Variants in KCNA2 observed in about 807,000 individuals in gnomAD.
KCNA2 encodes the protein potassium voltage-gated channel subfamily A member 2.
A neutral mutation model predicts 33.4 loss-of-function variants in KCNA2; 11 were observed. The ratio of observed to expected loss-of-function variants is 0.33; its 90% CI spans 0.21 to 0.55. KCNA2 has a LOEUF of 0.55. KCNA2 is among the 20% of genes least tolerant of loss of function. The pLI, the probability that KCNA2 is intolerant of heterozygous loss-of-function variation, is 0.93. For missense variants in KCNA2, 291 were observed against 621.6 expected (o/e 0.47, Z 5.66); for synonymous variants, 222 against 231.3 (o/e 0.96, Z 0.37).
Position 110,600,322 on chromosome 1 carries a change from G to A in KCNA2, c.*2961C>T, listed in dbSNP as rs1408292474. 3.0e-6 allele frequency: 3 copies of A among 983,956 alleles called. No homozygotes were observed. Among genetic ancestry groups the A allele is most frequent in the Non-Finnish European group, 3.6e-6 (3 of 829,676 alleles). 61.0% of individuals were successfully genotyped at this position (983,956 alleles called of 1,614,324 possible). The stretch of plus-strand genomic sequence containing the variant: ...TTTTATGTGTAGAAACAATGGTAAA[G>A]TAGCCTTTGTGTATCTTATATGCAT... On this transcript the variant is annotated 3_prime_UTR_variant, in exon 3 of 3. Coordinates refer to ENST00000316361, the MANE Select transcript of KCNA2 (RefSeq NM_004974.4).
chr1:110,616,418 C>T (rs1015917310), intron 1 of KCNA2, among the ~76,000 whole-genome samples: 3 of 152,168 alleles, frequency 2.0e-5, no homozygotes, highest in Non-Finnish European at 4.4e-5. Context: ...TAGGGGGCTG[C>T]GCATCACTTC....
At chr1:110,626,001 T>G (rs554836341) in intron 1 of KCNA2, among the ~76,000 whole-genome samples, 1 of 152,218 alleles carries the variant, frequency 6.6e-6, no homozygotes, top group Non-Finnish European at 1.5e-5. Context: ...ATATTGTTGG[T>G]GGGAGTGTTA....
At chr1:110,628,467 C>T (rs971268711) in intron 1 of KCNA2, among the ~76,000 whole-genome samples, 2 of 152,268 alleles carry the variant, frequency 1.3e-5, no homozygotes, top group Admixed American at 1.3e-4. Flanking sequence ...CACTTGGTGA[C>T]AGTACTCACA....
chr1:110,594,706 G>A lies in KCNA2; in HGVS notation c.*8577C>T. ...CTGGGTCGCTGGATCCCACGTGAAGGCAGAACTGGGGCAAGCACAGAGCAT... is the reference window on the plus strand; with the variant it reads ...CTGGGTCGCTGGATCCCACGTGAAGACAGAACTGGGGCAAGCACAGAGCAT... On this transcript the variant is annotated 3_prime_UTR_variant, in exon 3 of 3. Transcript: ENST00000316361. 1.0e-6 allele frequency: 1 copy of A among 985,336 alleles called. No homozygotes were observed. The highest frequency in any genetic ancestry group is 1.2e-6 in the Non-Finnish European group (1 of 829,944). 61.0% of individuals were successfully genotyped at this position (985,336 alleles called of 1,614,324 possible).
chr1:110,606,158 T>C (rs1170395597), intron 1 of KCNA2, 70 bp downstream of exon 1: 2 of 150,960 alleles, frequency 1.3e-5, no homozygotes, highest in African/African-American at 5.1e-5. Flanking sequence ...GCACACACAC[T>C]CCTTCAGAGC....
chr1:110,607,719 T>C (rs887525679), upstream of KCNA2: 1 of 152,334 alleles, frequency 6.6e-6, no homozygotes, highest in African/African-American at 2.4e-5. Flanking sequence ...AAGGAGGAGA[T>C]AATCAATAGC....
chr1:110,614,840 G>A (rs1279645217), intron 1 of KCNA2, among the ~76,000 whole-genome samples: 1 of 152,234 alleles, frequency 6.6e-6, no homozygotes, highest in Non-Finnish European at 1.5e-5. Context: ...CATGGCTCTA[G>A]TAAGTGGCAG....
chr1:110,625,243 T>C (rs1479409719), intron 1 of KCNA2, among the ~76,000 whole-genome samples: 1 of 152,134 alleles, frequency 6.6e-6, no homozygotes, highest in South Asian at 2.1e-4. Flanking sequence ...TTCCGTACTG[T>C]AAAACCTCAA....
In KCNA2 at chr1:110,613,753, A is replaced by G. The variant is rs980729146; in HGVS notation, c.-495-8031T>C. 8.5e-5 allele frequency among the ~76,000 whole-genome samples: 13 copies of G among 152,102 alleles called. 1 individual carries two copies. The highest frequency in any genetic ancestry group is 4.8e-5 in the African/African-American group (2 of 41,426). On this transcript the variant is annotated intron_variant, in intron 1 of 4. Coordinates refer to the KCNA2 transcript ENST00000369770. ...TCCCTCTCTATTTTATAGAGAGCTT[A>G]AGCATCTTGTTCAGGGTCACCCAGC...
Position 110,601,253 on chromosome 1 carries a change from A to G in KCNA2, c.*2030T>C. ...GGATCATCTAGGGACTCCATCACTT[A>G]GTCCCGGACTTCAGACATTTCCACA... On this transcript the variant is annotated 3_prime_UTR_variant, in exon 3 of 3. Transcript: ENST00000316361. 1.0e-6 allele frequency: 1 copy of G among 985,448 alleles called. No individual in the cohort carries two copies. Among genetic ancestry groups the G allele is most frequent in the South Asian group, 4.7e-5 (1 of 21,286 alleles). The allele number at this position is 985,448 out of a possible 1,614,324, so 61.0% of individuals were successfully genotyped here.
Position 110,602,725 on chromosome 1 carries a change from C to A in KCNA2, c.*558G>T, listed in dbSNP as rs1360826116. 1 of 993,026 alleles carries A rather than the reference C, an allele frequency of 1.0e-6. No homozygotes were observed. The allele number at this position is 993,026 out of a possible 1,614,324, so 61.5% of individuals were successfully genotyped here. A position where few individuals can be genotyped will look rare whatever the true frequency, so the allele number is the denominator to read the frequency against. ...TTTTCCGTTATGAAACACAAGCCTC[C>A]AGAGCATCTACTTGGCAACTGCAAT... On this transcript the variant is annotated 3_prime_UTR_variant, in exon 3 of 3. Coordinates refer to ENST00000316361, the MANE Select transcript of KCNA2 (RefSeq NM_004974.4).
chr1:110,598,108 G>C lies in KCNA2; in HGVS notation c.*5175C>G. 6 of 974,436 alleles carry C rather than the reference G, an allele frequency of 6.2e-6. No homozygotes were observed. The highest frequency in any genetic ancestry group is 7.3e-6 in the Non-Finnish European group (6 of 819,944). The allele number at this position is 974,436 out of a possible 1,614,324, so 60.4% of individuals were successfully genotyped here. ...TGACTGATGATGTTAATGAGGTTAA[G>C]GTCATGAGTTCAAACCCGGCAATGG... is the stretch of plus-strand genomic sequence containing the variant. On this transcript the variant is annotated 3_prime_UTR_variant, in exon 3 of 3. Coordinates refer to ENST00000316361, the MANE Select transcript of KCNA2 (RefSeq NM_004974.4).
At position 110,601,859 on chromosome 1, in the gene KCNA2, T is replaced by C. The variant is rs1301046040; in HGVS notation, c.*1424A>G. 3.5e-6 allele frequency: 5 copies of C among 1,434,436 alleles called. No homozygotes were observed. Among genetic ancestry groups the C allele is most frequent in the Admixed American group, 5.5e-5 (2 of 36,038 alleles). The allele number at this position is 1,434,436 out of a possible 1,614,324, so 88.9% of individuals were successfully genotyped here. ...ATATACACACATATGTATGTATATA[T>C]ATACACCCTAGTGCACATAGTCAAA... On this transcript the variant is annotated 3_prime_UTR_variant, in exon 3 of 3. Coordinates refer to ENST00000316361, the MANE Select transcript of KCNA2 (RefSeq NM_004974.4).
chr1:110,618,808 G>T lies in KCNA2; in HGVS notation c.-496+12587C>A, dbSNP rs986453946. On this transcript the variant is annotated intron_variant, in intron 1 of 4. Transcript: ENST00000369770. ...CACAGCCTTTGGCTAATCCAACAGGGATTCCTATGGCCTCTGCCTTCAGAC... is the reference window on the plus strand; with the variant it reads ...CACAGCCTTTGGCTAATCCAACAGGTATTCCTATGGCCTCTGCCTTCAGAC... Among the ~76,000 whole-genome samples, 9 of 151,956 alleles carry T rather than the reference G, an allele frequency of 5.9e-5. No homozygotes were observed. The East Asian group carries it at 1.2e-3, about 20-fold the overall frequency.
At position 110,600,874 on chromosome 1, in the gene KCNA2, A is replaced by G; in HGVS notation, c.*2409T>C. ...TGAGCACCCTGGGCCTAGCACCCTG[A>G]GCTGGTGCCCCATGCCCCAAGACAA... On this transcript the variant is annotated 3_prime_UTR_variant, in exon 3 of 3. Transcript: ENST00000316361. The G allele has an allele frequency of 1.0e-6, 1 of 985,458 alleles. No individual in the cohort carries two copies. Among genetic ancestry groups the G allele is most frequent in the Middle Eastern group, 5.2e-4 (1 of 1,916 alleles). The allele number at this position is 985,458 out of a possible 1,614,324, so 61.0% of individuals were successfully genotyped here. A position where few individuals can be genotyped will look rare whatever the true frequency, so the allele number is the denominator to read the frequency against.
chr1:110,620,068 GA>G (rs1650207193), intron 1 of KCNA2, among the ~76,000 whole-genome samples: 1 of 144,462 alleles, frequency 6.9e-6, no homozygotes. Flanking sequence ...GAGAGAGAGA[GA>G]GAGAGAGAGA....
chr1:110,606,369 C>A (rs1485225718), upstream of KCNA2: 1 of 152,240 alleles, frequency 6.6e-6, no homozygotes, highest in Non-Finnish European at 1.5e-5. Context: ...AAACGCTCCG[C>A]CTGCCTAGCT....
intron 1 of KCNA2, among the ~76,000 whole-genome samples, chr1:110,620,328 G>A (rs1032231429): frequency 6.6e-6 from 1 of 152,134 alleles, no homozygotes; most frequent in African/African-American, 2.4e-5. Flanking sequence ...CGGGTTCCAG[G>A]AACTCACTGA....
chr1:110,624,305 C>A (rs1414311717), intron 1 of KCNA2, among the ~76,000 whole-genome samples: 3 of 152,164 alleles, frequency 2.0e-5, no homozygotes, highest in African/African-American at 4.8e-5. Flanking sequence ...TGCTATTCAG[C>A]AATAAAAAAG....
Sources: gnomAD v4.1 joint callset for allele counts (sites outside exome capture counted in the v4.1 genomes callset) on GRCh38, gnomAD v4.1.1 for gene constraint, MANE v1.5 for transcripts, NCBI Gene and HGNC (gene_info 2026-07-23, HGNC 2026-07-21) for gene names.